PHF14: variants seen among roughly 807,000 people sequenced by gnomAD.
PHF14 encodes the protein PHD finger protein 14.
PHF14 carries 55 observed loss-of-function variants against 117.9 expected under a neutral mutation model. That is an observed-to-expected ratio of 0.47 (90% CI 0.38 to 0.58). The LOEUF is 0.58. PHF14 is among the 20% of genes least tolerant of loss of function. The pLI is 0.00. For synonymous variants in PHF14, 409 were observed against 368.6 expected (o/e 1.11, Z -1.26); for missense variants, 978 against 1,122.2 (o/e 0.87, Z 1.84).
At chr7:11,038,533 C>A (rs148693707) in intron 10 of PHF14, among the ~76,000 whole-genome samples, 4,964 of 151,530 alleles carry the variant, frequency 0.033, 179 homozygotes, top group African/African-American at 0.087. Context: ...TGGTGCACAC[C>A]TGTAGTCCCA....
chr7:11,148,305 C>T (rs1455540793), intron 17 of PHF14, among the ~76,000 whole-genome samples: 3 of 152,184 alleles, frequency 2.0e-5, no homozygotes, highest in African/African-American at 4.8e-5. Context: ...GCTATGTAGT[C>T]AACTTAACTT....
intron 4 of PHF14, among the ~76,000 whole-genome samples, chr7:10,997,320 A>G (rs1199029126): frequency 6.6e-6 from 1 of 152,192 alleles, no homozygotes; most frequent in Non-Finnish European, 1.5e-5. Context: ...GAATAAAAGA[A>G]GGGAAAGTGC....
At chr7:11,095,582 T>G (rs1384195418) in intron 16 of PHF14, among the ~76,000 whole-genome samples, 1 of 152,210 alleles carries the variant, frequency 6.6e-6, no homozygotes, top group Non-Finnish European at 1.5e-5. Flanking sequence ...CTGGGTTTCC[T>G]GGGAGAATCA....
At chr7:11,121,694 A>C (rs562134192) in intron 17 of PHF14, among the ~76,000 whole-genome samples, 1 of 152,108 alleles carries the variant, frequency 6.6e-6, no homozygotes, top group African/African-American at 2.4e-5. Context: ...TCACTGAGAC[A>C]GCTAAGTGAC....
intron 17 of PHF14, among the ~76,000 whole-genome samples, chr7:11,118,136 GA>G (rs1204437455): frequency 6.6e-6 from 1 of 151,748 alleles, no homozygotes; most frequent in African/African-American, 2.4e-5. Flanking sequence ...AAAAAGTCTG[GA>G]AAAAAAGTTG....
Position 11,036,493 on chromosome 7 carries a change from G to A in PHF14, c.1678G>A (p.Val560Ile), listed in dbSNP as rs1483178143. 6.2e-7 allele frequency: 1 copy of A among 1,613,750 alleles called. No homozygotes were observed. The highest frequency in any genetic ancestry group is 1.3e-5 in the African/African-American group (1 of 74,928). Residue 560 changes from valine to isoleucine, a missense_variant, in exon 9 of 18, where the codon GTT becomes ATT. Val to Ile is a conservative substitution (Grantham distance 29). This residue lies in a region of PHF14 where 237 missense variants were observed against 276.4 expected (regional missense o/e 0.86). Coordinates refer to ENST00000634607, the MANE Select transcript of PHF14 (RefSeq NM_001007157.2). Reference protein sequence around the residue: ...LARSTRPQAWVPREKLPRPLT... With the variant: ...LARSTRPQAWIPREKLPRPLT... ...TCGATCTACCAGACCCCAGGCCTGGGTTCCAAGGGAAAAATTGCCCAGACC... is the reference window on the plus strand; with the variant it reads ...TCGATCTACCAGACCCCAGGCCTGGATTCCAAGGGAAAAATTGCCCAGACC...
chr7:11,100,855 T>C (rs578106390), intron 16 of PHF14, among the ~76,000 whole-genome samples: 2 of 152,020 alleles, frequency 1.3e-5, no homozygotes, highest in African/African-American at 4.8e-5. Flanking sequence ...CGCACTACAC[T>C]GCTTTAGCAT....
At chr7:11,063,656 A>G (rs920960159) in intron 16 of PHF14, 8 of 969,828 alleles carry the variant, frequency 8.2e-6, no homozygotes, top group African/African-American at 1.8e-5. Flanking sequence ...AGAGGTTTTT[A>G]TTAGGTTTTT....
At chr7:11,063,497 G>A in intron 16 of PHF14, 12 of 982,946 alleles carry the variant, frequency 1.2e-5, no homozygotes, top group Non-Finnish European at 1.3e-5. Flanking sequence ...GGGTGGAGTT[G>A]AGGACTATGA....
At chr7:11,020,051 A>G (rs1326912031) in intron 5 of PHF14, among the ~76,000 whole-genome samples, 1 of 151,948 alleles carries the variant, frequency 6.6e-6, no homozygotes, top group Admixed American at 6.6e-5. Context: ...TTATGTTGCA[A>G]TAGAAGGCAG....
chr7:11,122,352 TAC>T (rs747467173), intron 17 of PHF14, among the ~76,000 whole-genome samples: 1,468 of 65,770 alleles, frequency 0.022, 64 homozygotes, highest in Admixed American at 0.026. Flanking sequence ...TATATATATA[TAC>T]ACACACACAC....
intron 3 of PHF14, among the ~76,000 whole-genome samples, chr7:10,987,619 A>G (rs1583331979): frequency 6.6e-6 from 1 of 152,178 alleles, no homozygotes; most frequent in East Asian, 1.9e-4. Context: ...TTATTCCATC[A>G]TAATAAAGTT....
intron 16 of PHF14, chr7:11,111,065 C>T (rs1787427330): frequency 4.1e-6 from 1 of 244,252 alleles, no homozygotes; most frequent in East Asian, 8.8e-5. Flanking sequence ...CATGATTATA[C>T]ATATACGTTC....
intron 17 of PHF14, among the ~76,000 whole-genome samples, chr7:11,117,182 G>A (rs1361472775): frequency 6.6e-6 from 1 of 151,890 alleles, no homozygotes; most frequent in Non-Finnish European, 1.5e-5. Flanking sequence ...TCGTGACTAT[G>A]TCAGTTACTA....
intron 4 of PHF14, among the ~76,000 whole-genome samples, chr7:11,012,000 AT>A (rs536376638): frequency 4.1e-4 from 63 of 152,268 alleles, no homozygotes; most frequent in Middle Eastern, 3.4e-3. Context: ...ACTTTTAGGC[AT>A]CTTGATGCTG....
intron 3 of PHF14, among the ~76,000 whole-genome samples, chr7:10,984,668 T>G (rs1782153954): frequency 6.6e-6 from 1 of 152,208 alleles, no homozygotes; most frequent in Admixed American, 6.5e-5. Context: ...TCGATTAGAT[T>G]TATGCTAAAA....
chr7:11,112,498 C>T (rs1302024658), intron 17 of PHF14, among the ~76,000 whole-genome samples: 4 of 151,584 alleles, frequency 2.6e-5, no homozygotes, highest in Admixed American at 6.6e-5. Context: ...CATTTTTTGC[C>T]GGGTGGCTCA....
intron 16 of PHF14, among the ~76,000 whole-genome samples, chr7:11,068,573 G>C (rs532118987): frequency 1.3e-5 from 2 of 152,116 alleles, no homozygotes; most frequent in Non-Finnish European, 2.9e-5. Context: ...CAGAGTTTCA[G>C]CTGGGAAAGA....
chr7:11,125,661 T>A (rs1251660091), intron 17 of PHF14, among the ~76,000 whole-genome samples: 1 of 152,058 alleles, frequency 6.6e-6, no homozygotes, highest in Non-Finnish European at 1.5e-5. Flanking sequence ...ACCTGTGACC[T>A]AGCTCTGCCA....
Sources: allele counts gnomAD v4.1 joint callset (sites outside exome capture counted in the v4.1 genomes callset), GRCh38; gene constraint gnomAD v4.1.1; regional missense constraint gnomAD v4.1.1; transcripts MANE v1.5; gene names NCBI Gene and HGNC (gene_info 2026-07-23, HGNC 2026-07-21).